Variants in DNAH11 observed in about 807,000 individuals in gnomAD.
DNAH11 encodes the protein dynein axonemal heavy chain 11, also known as axonemal beta dynein heavy chain 11.
A neutral mutation model predicts 526.0 loss-of-function variants in DNAH11; 442 were observed. The ratio of observed to expected loss-of-function variants is 0.84; its 90% CI spans 0.78 to 0.91. The LOEUF is 0.91. DNAH11 is among the 40% of genes least tolerant of loss of function. The pLI, the probability that DNAH11 is intolerant of heterozygous loss-of-function variation, is 0.00. For missense variants in DNAH11, 6,989 were observed against 5,448.7 expected (o/e 1.28, Z -8.90); for synonymous variants, 2,461 against 1,935.9 (o/e 1.27, Z -7.12).
At chr7:21,775,332 C>G (rs1052479612) in intron 56 of DNAH11, among the ~76,000 whole-genome samples, 2 of 152,262 alleles carry the variant, frequency 1.3e-5, no homozygotes, top group African/African-American at 4.8e-5. Flanking sequence ...GAACGTCTGT[C>G]TAGGCCAGGC....
intron 69 of DNAH11, among the ~76,000 whole-genome samples, chr7:21,863,999 C>A (rs1783172313): frequency 2.0e-5 from 3 of 152,092 alleles, no homozygotes; most frequent in Non-Finnish European, 4.4e-5. Context: ...AGTTCTGTGA[C>A]CAGAATGTCT....
intron 49 of DNAH11, 94 bp from the exon 50 acceptor site, chr7:21,744,344 G>A (rs753652213): frequency 2.6e-4 from 343 of 1,332,066 alleles, no homozygotes; most frequent in Middle Eastern, 5.7e-4. Flanking sequence ...TTAACCATTT[G>A]CTAAGTTCAC....
chr7:21,585,579 A>G (rs1272558205), intron 9 of DNAH11, among the ~76,000 whole-genome samples: 1 of 152,224 alleles, frequency 6.6e-6, no homozygotes, highest in Non-Finnish European at 1.5e-5. Flanking sequence ...GTGCTCACCA[A>G]AAACCAAAAC....
In DNAH11 at chr7:21,787,478, A is replaced by C; in HGVS notation, c.9819A>C (p.Glu3273Asp). The C allele has an allele frequency of 6.2e-7, 1 of 1,613,840 alleles. No individual in the cohort carries two copies. The highest frequency in any genetic ancestry group is 8.5e-7 in the Non-Finnish European group (1 of 1,179,778). The stretch of plus-strand genomic sequence containing the variant: ...AGAACTGTCTAAAAGTGGTGAATGA[A>C]CACTATTTGAAAGACCCAGAGTTTA... ...IPENCLKVVN[E>D]HYLKDPEFNP... Residue 3273 changes from glutamate to aspartate, a missense_variant, in exon 60 of 82, where the codon GAA becomes GAC. Physicochemically the swap from Glu to Asp is conservative, Grantham distance 45 (BLOSUM62 2). Coordinates refer to ENST00000409508, the MANE Select transcript of DNAH11 (RefSeq NM_001277115.2).
intron 51 of DNAH11, among the ~76,000 whole-genome samples, chr7:21,746,435 C>G (rs960016011): frequency 1.3e-5 from 2 of 151,964 alleles, no homozygotes; most frequent in Admixed American, 6.6e-5. Flanking sequence ...GGGACCCCAT[C>G]TCTACAATTT....
intron 25 of DNAH11, among the ~76,000 whole-genome samples, chr7:21,633,821 C>CA (rs1015471326): frequency 6.6e-6 from 1 of 152,052 alleles, no homozygotes; most frequent in African/African-American, 2.4e-5. Context: ...TATTATTCTT[C>CA]AAAAAATGGC....
chr7:21,774,995 G>T (rs1345158438), intron 56 of DNAH11, among the ~76,000 whole-genome samples: 10 of 152,164 alleles, frequency 6.6e-5, no homozygotes, highest in Admixed American at 6.5e-4. Flanking sequence ...CTGTGGCTAG[G>T]CTAGAAATGA....
chr7:21,754,253 T>C (rs1444080155), intron 54 of DNAH11, among the ~76,000 whole-genome samples: 1 of 152,212 alleles, frequency 6.6e-6, no homozygotes, highest in Non-Finnish European at 1.5e-5. Flanking sequence ...TCAGAATATG[T>C]ATCTTGTCAA....
At chr7:21,587,695 T>C (rs1169650222) in intron 9 of DNAH11, among the ~76,000 whole-genome samples, 1 of 152,154 alleles carries the variant, frequency 6.6e-6, no homozygotes, top group Non-Finnish European at 1.5e-5. Flanking sequence ...ATCTAAAGAA[T>C]ACATATGTAG....
At chr7:21,881,289 T>G (rs541239041) in intron 75 of DNAH11, among the ~76,000 whole-genome samples, 1 of 152,344 alleles carries the variant, frequency 6.6e-6, no homozygotes, top group Non-Finnish European at 1.5e-5. Context: ...TACAATTAGT[T>G]CTGATGATGG....
At chr7:21,577,412 T>C (rs1784137418) in intron 8 of DNAH11, among the ~76,000 whole-genome samples, 1 of 152,114 alleles carries the variant, frequency 6.6e-6, no homozygotes, top group Non-Finnish European at 1.5e-5. Context: ...GAGCCATGAT[T>C]TTCATCCCTG....
intron 36 of DNAH11, among the ~76,000 whole-genome samples, chr7:21,700,409 G>A (rs1784007456): frequency 1.3e-5 from 2 of 152,198 alleles, no homozygotes. Flanking sequence ...ATGATATAAT[G>A]AAAATGGTGA....
At chr7:21,749,243 A>AT (rs1363234808) in intron 52 of DNAH11, among the ~76,000 whole-genome samples, 1 of 152,212 alleles carries the variant, frequency 6.6e-6, no homozygotes, top group East Asian at 1.9e-4. Flanking sequence ...AGTACCTACA[A>AT]TTTGTGCCAA....
intron 30 of DNAH11, among the ~76,000 whole-genome samples, chr7:21,677,762 A>G (rs1045510462): frequency 2.6e-5 from 4 of 152,166 alleles, no homozygotes; most frequent in African/African-American, 7.2e-5. Flanking sequence ...TGACTTTTTT[A>G]TTATAGCCAG....
intron 40 of DNAH11, 112 bp from the exon 41 acceptor site, chr7:21,710,441 C>T (rs566493486): frequency 9.8e-5 from 88 of 894,186 alleles, no homozygotes; most frequent in Non-Finnish European, 1.3e-4. Context: ...ACACACTGCC[C>T]GCAAGAAAGA....
In DNAH11 at chr7:21,797,282, C is replaced by T. The variant is rs1007929751; in HGVS notation, c.10027-3855C>T. On this transcript the variant is annotated intron_variant, in intron 61 of 81. Coordinates refer to ENST00000409508, the MANE Select transcript of DNAH11 (RefSeq NM_001277115.2). The stretch of plus-strand genomic sequence containing the variant: ...TTGCCTAGGCTGGAGTGCAGTGGTG[C>T]GTTCTCAGCTCATTACAACCTCCAC... Among the ~76,000 whole-genome samples the T allele has an allele frequency of 6.0e-5, 9 of 151,126 alleles. 1 individual carries two copies. The highest frequency in any genetic ancestry group is 1.0e-4 in the Non-Finnish European group (7 of 67,922).
At chr7:21,808,903 A>T (rs1246063293) in intron 63 of DNAH11, among the ~76,000 whole-genome samples, 1 of 152,214 alleles carries the variant, frequency 6.6e-6, no homozygotes, top group Non-Finnish European at 1.5e-5. Flanking sequence ...TATGCTCAGT[A>T]GCTAGATTGC....
At chr7:21,779,157 A>G in intron 57 of DNAH11, 53 bp downstream of exon 57, 2 of 1,558,106 alleles carry the variant, frequency 1.3e-6, no homozygotes, top group Non-Finnish European at 1.7e-6. Context: ...CACAAAATAA[A>G]CCTTGGTAGG....
chr7:21,828,763 T>G (rs1416751444), intron 65 of DNAH11, among the ~76,000 whole-genome samples: 5 of 149,500 alleles, frequency 3.3e-5, no homozygotes, highest in East Asian at 1.9e-4. Flanking sequence ...TTTCTGGGTT[T>G]TTTTTTTTTT....
Sources: gnomAD v4.1 joint callset for allele counts (sites outside exome capture counted in the v4.1 genomes callset) on GRCh38, gnomAD v4.1.1 for gene constraint, MANE v1.5 for transcripts, NCBI Gene and HGNC (gene_info 2026-07-23, HGNC 2026-07-21) for gene names.